The following NRF1 variants were observed in gnomAD, a reference collection of about 807,000 sequenced individuals.
The protein encoded by NRF1 is alpha palindromic-binding protein.
A neutral mutation model predicts 58.5 loss-of-function variants in NRF1; 5 were observed. The observed-to-expected ratio is 0.09, with a 90% CI of 0.04 to 0.18. NRF1 has a LOEUF of 0.18. Ranked by LOEUF, NRF1 falls within the 10% of genes least tolerant of loss-of-function variation. The pLI is 1.00. For synonymous variants in NRF1, 224 were observed against 246.7 expected (o/e 0.91, Z 0.86); for missense variants, 288 against 657.7 (o/e 0.44, Z 6.15).
intron 10 of NRF1, among the ~76,000 whole-genome samples, chr7:129,745,506 A>AACCCCCCCCCCCAAC (rs1803953973): frequency 8.9e-6 from 1 of 112,582 alleles, no homozygotes; most frequent in Non-Finnish European, 1.8e-5. Flanking sequence ...ATCCCCCTCA[A>AACCCCCCCCCCCAAC]CCCCCCCCCC....
At chr7:129,687,016 T>G (rs1270408260) in intron 4 of NRF1, among the ~76,000 whole-genome samples, 2 of 152,212 alleles carry the variant, frequency 1.3e-5, no homozygotes, top group Non-Finnish European at 2.9e-5. Context: ...GGCTTAGACA[T>G]AGCTTTTAAT....
intron 4 of NRF1, among the ~76,000 whole-genome samples, chr7:129,685,571 GT>G (rs1802426247): frequency 1.4e-5 from 1 of 69,510 alleles, no homozygotes; most frequent in African/African-American, 3.3e-5. Flanking sequence ...GTGTGTGTGT[GT>G]GTGTGTGTGT....
chr7:129,661,854 C>A (rs1479430667), intron 2 of NRF1, among the ~76,000 whole-genome samples: 1 of 150,662 alleles, frequency 6.6e-6, no homozygotes, highest in Non-Finnish European at 1.5e-5. Context: ...TACCAATTTA[C>A]TATATTAGTC....
chr7:129,628,937 A>T (rs1800981291), intron 1 of NRF1, among the ~76,000 whole-genome samples: 1 of 152,242 alleles, frequency 6.6e-6, no homozygotes, highest in Admixed American at 6.5e-5. Flanking sequence ...AGATCTTTCA[A>T]ATATTGACAC....
intron 9 of NRF1, among the ~76,000 whole-genome samples, chr7:129,721,770 C>T (rs935562147): frequency 6.6e-6 from 1 of 152,148 alleles, no homozygotes; most frequent in Non-Finnish European, 1.5e-5. Flanking sequence ...CATGAGCCAC[C>T]AGGCCTGGCT....
At chr7:129,626,542 C>T (rs913597238) in intron 1 of NRF1, among the ~76,000 whole-genome samples, 2 of 152,190 alleles carry the variant, frequency 1.3e-5, no homozygotes, top group Non-Finnish European at 2.9e-5. Context: ...TAACATATTA[C>T]ATTGTGTGTT....
chr7:129,660,921 T>A (rs1431392261), intron 2 of NRF1, among the ~76,000 whole-genome samples: 2 of 151,228 alleles, frequency 1.3e-5, no homozygotes, highest in African/African-American at 4.9e-5. Flanking sequence ...GCAGAGGTTC[T>A]CTATGAGGGT....
chr7:129,714,812 C>T (rs1387534702), intron 8 of NRF1, among the ~76,000 whole-genome samples: 1 of 152,156 alleles, frequency 6.6e-6, no homozygotes, highest in African/African-American at 2.4e-5. Context: ...ATAACTAAAG[C>T]AGGAAGCATT....
chr7:129,698,029 G>A (rs898791433), intron 5 of NRF1, among the ~76,000 whole-genome samples: 3 of 152,112 alleles, frequency 2.0e-5, no homozygotes, highest in Non-Finnish European at 4.4e-5. Flanking sequence ...ACTGCACCCA[G>A]CCAACATTTA....
At chr7:129,692,093 C>T (rs1215702016) in intron 5 of NRF1, among the ~76,000 whole-genome samples, 1 of 152,102 alleles carries the variant, frequency 6.6e-6, no homozygotes, top group Non-Finnish European at 1.5e-5. Context: ...TCCACATTCC[C>T]CTGCCACCCT....
chr7:129,612,596 C>G (rs1800561217), intron 1 of NRF1, among the ~76,000 whole-genome samples: 1 of 152,202 alleles, frequency 6.6e-6, no homozygotes, highest in African/African-American at 2.4e-5. Context: ...CGCGGAGGGG[C>G]CGCGGTTCTT....
chr7:129,680,374 A>C (rs767107412), intron 4 of NRF1, among the ~76,000 whole-genome samples: 12 of 152,200 alleles, frequency 7.9e-5, no homozygotes, highest in African/African-American at 1.2e-4. Flanking sequence ...GCTGCTTTGG[A>C]AAACAATTTG....
At chr7:129,619,433 T>TATACACAC (rs1554401492) in intron 1 of NRF1, among the ~76,000 whole-genome samples, 8 of 65,872 alleles carry the variant, frequency 1.2e-4, no homozygotes, top group Admixed American at 3.9e-4. Flanking sequence ...TATATATATA[T>TATACACAC]ACACACACAC....
chr7:129,744,293 T>C, intron 10 of NRF1: 1 of 1,409,020 alleles, frequency 7.1e-7, no homozygotes, highest in Non-Finnish European at 9.8e-7. Context: ...AGGCTGTCAT[T>C]CCAGGCGCTG....
intron 1 of NRF1, among the ~76,000 whole-genome samples, chr7:129,645,640 A>G (rs577456051): frequency 2.3e-4 from 35 of 152,256 alleles, no homozygotes; most frequent in African/African-American, 8.2e-4. Context: ...GTAATATGAC[A>G]AATTATTTTC....
intron 1 of NRF1, among the ~76,000 whole-genome samples, chr7:129,616,956 CAAAA>C (rs1051724850): frequency 6.6e-6 from 1 of 151,890 alleles, no homozygotes; most frequent in Non-Finnish European, 1.5e-5. Context: ...GAAATATTCT[CAAAA>C]AAAGTTGTAA....
intron 1 of NRF1, among the ~76,000 whole-genome samples, chr7:129,639,275 C>T (rs1291398092): frequency 6.6e-6 from 1 of 151,778 alleles, no homozygotes; most frequent in Admixed American, 6.6e-5. Flanking sequence ...GGCCAGGCTG[C>T]TCTCAAACTC....
chr7:129,705,247 T>C (rs1338059221), intron 5 of NRF1, among the ~76,000 whole-genome samples: 1 of 152,166 alleles, frequency 6.6e-6, no homozygotes, highest in East Asian at 1.9e-4. Flanking sequence ...AGAACATTAA[T>C]ATTCAGAGCC....
intron 10 of NRF1, among the ~76,000 whole-genome samples, chr7:129,742,780 A>G (rs1803878811): frequency 6.6e-6 from 1 of 152,208 alleles, no homozygotes; most frequent in Non-Finnish European, 1.5e-5. Flanking sequence ...GCACACTGGA[A>G]GCTCTGGAAA....
Sources: allele counts gnomAD v4.1 joint callset (sites outside exome capture counted in the v4.1 genomes callset), GRCh38; gene constraint gnomAD v4.1.1; transcripts MANE v1.5; gene names NCBI Gene and HGNC (gene_info 2026-07-23, HGNC 2026-07-21).